SLC30A9: variants seen among roughly 807,000 people sequenced by gnomAD.
SLC30A9 encodes the protein solute carrier family 30 member 9, also known as proton-coupled zinc antiporter SLC30A9, mitochondrial.
SLC30A9 carries 58 observed loss-of-function variants against 87.5 expected under a neutral mutation model. The observed-to-expected ratio is 0.66, with a 90% CI of 0.54 to 0.82. The LOEUF (loss-of-function observed/expected upper bound fraction) is 0.82, where lower values mean the gene tolerates loss of function less well. Among genes scored for constraint, SLC30A9 ranks in the 40% least tolerant of loss-of-function variants. SLC30A9 has a pLI of 0.00. For missense variants in SLC30A9, 557 were observed against 679.1 expected, an observed-to-expected ratio of 0.82 and a Z score of 2.00; for synonymous variants, 234 against 233.0, an observed-to-expected ratio of 1.00 and a Z score of -0.04.
At chr4:42,009,655 T>C (rs949225014) in intron 2 of SLC30A9, among the ~76,000 whole-genome samples, 3 of 152,244 alleles carry the variant, frequency 2.0e-5, no homozygotes, top group Non-Finnish European at 4.4e-5. Flanking sequence ...TATTCATACA[T>C]GTGTTTAAGC....
At chr4:42,057,115 GTGTC>G (rs1372551141) in intron 9 of SLC30A9, among the ~76,000 whole-genome samples, 1 of 152,228 alleles carries the variant, frequency 6.6e-6, no homozygotes, top group African/African-American at 2.4e-5. Flanking sequence ...CTGGCATTGA[GTGTC>G]TGTGGCTTTT....
intron 6 of SLC30A9, among the ~76,000 whole-genome samples, chr4:42,030,650 A>G (rs1407880883): frequency 6.8e-6 from 1 of 146,918 alleles, no homozygotes; most frequent in Non-Finnish European, 1.5e-5. Context: ...AACATATTCT[A>G]TAGTCTTTTC....
chr4:42,067,803 T>A (rs968662358), intron 14 of SLC30A9, among the ~76,000 whole-genome samples: 1 of 152,044 alleles, frequency 6.6e-6, no homozygotes, highest in Non-Finnish European at 1.5e-5. Context: ...CCAATCTGAG[T>A]GAGTGTGGGG....
intron 6 of SLC30A9, among the ~76,000 whole-genome samples, chr4:42,031,313 C>T (rs529558090): frequency 6.6e-6 from 1 of 151,444 alleles, no homozygotes; most frequent in East Asian, 1.9e-4. Flanking sequence ...TTTTCCAAGC[C>T]CAACCTATAG....
At chr4:42,069,980 C>T (rs1718242486) in intron 14 of SLC30A9, among the ~76,000 whole-genome samples, 1 of 152,108 alleles carries the variant, frequency 6.6e-6, no homozygotes, top group Admixed American at 6.6e-5. Flanking sequence ...CTTGAGGCAC[C>T]TATGGCATGT....
chr4:42,022,811 A>G (rs374328781), intron 4 of SLC30A9, 27 bp from the exon 5 acceptor site: 4 of 1,419,088 alleles, frequency 2.8e-6, no homozygotes, highest in Admixed American at 1.9e-5. Flanking sequence ...CTTTGTCTGA[A>G]TAAATTCAAC....
chr4:42,034,738 G>A (rs1173710409), intron 6 of SLC30A9, among the ~76,000 whole-genome samples: 1 of 152,176 alleles, frequency 6.6e-6, no homozygotes, highest in Non-Finnish European at 1.5e-5. Context: ...CTATGAACAT[G>A]GGCATGTAAA....
rs753831964 is a variant in SLC30A9 at position 42,049,500 on chromosome 4, T to A, written c.840+21T>A. The A allele has an allele frequency of 4.6e-6, 6 of 1,308,298 alleles. No homozygotes were observed. In the South Asian group the frequency reaches 8.5e-5, roughly 19 times the overall value. The allele number at this position is 1,308,298 out of a possible 1,614,324, so 81.0% of individuals were successfully genotyped here. A position where few individuals can be genotyped will look rare whatever the true frequency, so the allele number is the denominator to read the frequency against. On this transcript the variant is annotated intron_variant, in intron 9 of 17. Transcript: ENST00000264451. ...ATCAGGTGAGGACTAAAGCTTTTTT[T>A]ATAAGTCAATTTTAAAGTAATAGTT...
At chr4:42,039,125 A>G in intron 8 of SLC30A9, 72 bp downstream of exon 8, 1 of 1,090,502 alleles carries the variant, frequency 9.2e-7, no homozygotes, top group Non-Finnish European at 1.4e-6. Context: ...AAATATGTAA[A>G]TTTATTACAT....
chr4:42,060,331 A>G (rs1010473375), intron 10 of SLC30A9, 85 bp downstream of exon 10: 1 of 1,007,754 alleles, frequency 9.9e-7, no homozygotes. Flanking sequence ...CCTGCAATTT[A>G]TGTACCTGCA....
At chr4:42,069,389 A>T (rs1381146401) in intron 14 of SLC30A9, among the ~76,000 whole-genome samples, 2 of 152,158 alleles carry the variant, frequency 1.3e-5, no homozygotes, top group African/African-American at 2.4e-5. Context: ...TATTCCTGTA[A>T]TTTCTTTAAG....
intron 6 of SLC30A9, among the ~76,000 whole-genome samples, chr4:42,025,127 T>C (rs1716133575): frequency 6.6e-6 from 1 of 152,206 alleles, no homozygotes; most frequent in Non-Finnish European, 1.5e-5. Flanking sequence ...CCTTGTTTAA[T>C]GTATATCCCT....
At chr4:42,033,979 A>T (rs987836967) in intron 6 of SLC30A9, among the ~76,000 whole-genome samples, 1 of 152,156 alleles carries the variant, frequency 6.6e-6, no homozygotes, top group Non-Finnish European at 1.5e-5. Flanking sequence ...GATATACCGT[A>T]ATGTATTCAA....
intron 17 of SLC30A9, among the ~76,000 whole-genome samples, chr4:42,080,890 C>G (rs1289183385): frequency 2.0e-5 from 3 of 152,200 alleles, no homozygotes; most frequent in Non-Finnish European, 4.4e-5. Context: ...TTGGAAAATA[C>G]TGGTTCACAG....
chr4:42,084,238 G>C (rs955248787), intron 17 of SLC30A9, among the ~76,000 whole-genome samples: 10 of 152,094 alleles, frequency 6.6e-5, no homozygotes, highest in Admixed American at 1.3e-4. Flanking sequence ...TATTTTAAGA[G>C]ATAACCATTT....
chr4:42,086,325 C>T lies in SLC30A9; in HGVS notation c.*199C>T. On this transcript the variant is annotated 3_prime_UTR_variant, in exon 18 of 18. Transcript: ENST00000264451. Reference sequence around the variant, plus strand: ...CTACTACTTACATCTAACAGACACACTACAAGTTGAATCAATTTGAAAATC... The same window carrying T: ...CTACTACTTACATCTAACAGACACATTACAAGTTGAATCAATTTGAAAATC... 2.6e-6 allele frequency: 1 copy of T among 390,912 alleles called. No individual in the cohort carries two copies. The highest frequency in any genetic ancestry group is 4.0e-5 in the East Asian group (1 of 24,976). 24.2% of individuals were successfully genotyped at this position (390,912 alleles called of 1,614,324 possible).
chr4:42,037,065 A>AT (rs11306196), intron 7 of SLC30A9, among the ~76,000 whole-genome samples: 40 of 151,520 alleles, frequency 2.6e-4, no homozygotes, highest in African/African-American at 9.0e-4. Flanking sequence ...TTTTGAAATG[A>AT]TTTTTTTTTG....
At chr4:41,998,112 G>A (rs1481373719) in intron 1 of SLC30A9, among the ~76,000 whole-genome samples, 1 of 152,252 alleles carries the variant, frequency 6.6e-6, no homozygotes, top group Non-Finnish European at 1.5e-5. Context: ...GGAAGCCAGA[G>A]TAGTGGTAGG....
At chr4:42,002,467 A>G (rs114862011) in intron 2 of SLC30A9, among the ~76,000 whole-genome samples, 4,034 of 151,844 alleles carry the variant, frequency 0.027, 76 homozygotes, top group African/African-American at 0.045. Flanking sequence ...TATTTTTGCT[A>G]TCTTTATGTT....
Sources: allele counts gnomAD v4.1 joint callset (sites outside exome capture counted in the v4.1 genomes callset), GRCh38; gene constraint gnomAD v4.1.1; transcripts MANE v1.5; gene names NCBI Gene and HGNC (gene_info 2026-07-23, HGNC 2026-07-21).